Variants in TAF4B observed in about 807,000 individuals in gnomAD.
The protein encoded by TAF4B is TATA-box binding protein associated factor 4b, also known as transcription initiation factor TFIID subunit 4B.
TAF4B carries 38 observed loss-of-function variants against 86.4 expected under a neutral mutation model. The ratio of observed to expected loss-of-function variants is 0.44; its 90% CI spans 0.34 to 0.58. The LOEUF is 0.58. TAF4B is among the 20% of genes least tolerant of loss of function. The probability of loss-of-function intolerance (pLI) is 0.02; values close to 1 mark genes in which losing one functional copy is unlikely to be tolerated. For missense variants in TAF4B, 988 were observed against 1,027.6 expected, an observed-to-expected ratio of 0.96 and a Z score of 0.53; for synonymous variants, 388 against 391.2, an observed-to-expected ratio of 0.99 and a Z score of 0.10.
chr18:26,290,247 C>G (rs1424325843), intron 7 of TAF4B, among the ~76,000 whole-genome samples: 1 of 152,038 alleles, frequency 6.6e-6, no homozygotes, highest in African/African-American at 2.4e-5. Flanking sequence ...TCAAGCAATC[C>G]TCCTGCCTCA....
Position 26,267,523 on chromosome 18 carries a change from G to T in TAF4B, c.497G>T (p.Ser166Ile), listed in dbSNP as rs1298403113. ...CTCCCCTCCACCGCCAAGAACTCTA[G>T]CTCACAATTAATCAAGAAAGTGGCA... ...TVKICTVPNS[S>I]SQLIKKVAVT... Residue 166 changes from serine to isoleucine, a missense_variant, in exon 3 of 15, where the codon AGC (serine) becomes ATC (isoleucine). Ser to Ile is a moderately radical substitution (Grantham distance 142, BLOSUM62 -2). Coordinates refer to ENST00000269142, the MANE Select transcript of TAF4B (RefSeq NM_005640.3). 2 of 1,613,594 alleles carry T rather than the reference G, an allele frequency of 1.2e-6. No homozygotes were observed. The highest frequency in any genetic ancestry group is 2.7e-5 in the African/African-American group (2 of 74,922).
chr18:26,319,452 AT>A (rs2056941229), intron 10 of TAF4B, among the ~76,000 whole-genome samples: 1 of 151,974 alleles, frequency 6.6e-6, no homozygotes, highest in African/African-American at 2.4e-5. Flanking sequence ...GTGAGTGGAG[AT>A]TGCACCACTG....
chr18:26,389,711 T>C lies in TAF4B; in HGVS notation c.2422-134T>C. The stretch of plus-strand genomic sequence containing the variant: ...TTGGCTGCTGGAGGACAGGGTTAGG[T>C]CTTCATCATTACATTATCTCCAGTA... On this transcript the variant is annotated intron_variant, in intron 14 of 14. Coordinates refer to ENST00000269142, the MANE Select transcript of TAF4B (RefSeq NM_005640.3). 4 of 882,318 alleles carry C rather than the reference T, an allele frequency of 4.5e-6. No individual in the cohort carries two copies. The South Asian group carries it at 7.3e-5, about 16-fold the overall frequency. 54.7% of individuals were successfully genotyped at this position (882,318 alleles called of 1,614,324 possible). A position where few individuals can be genotyped will look rare whatever the true frequency, so the allele number is the denominator to read the frequency against.
At chr18:26,233,255 T>C (rs1382282508) in intron 1 of TAF4B, among the ~76,000 whole-genome samples, 1 of 152,122 alleles carries the variant, frequency 6.6e-6, no homozygotes, top group African/African-American at 2.4e-5. Context: ...CTGTGTTCTA[T>C]TTTCCCATTG....
At chr18:26,257,749 A>G (rs1331173105) in intron 1 of TAF4B, among the ~76,000 whole-genome samples, 2 of 151,772 alleles carry the variant, frequency 1.3e-5, no homozygotes, top group African/African-American at 2.4e-5. Context: ...TATGAACCTC[A>G]TTGGAATCTC....
intron 14 of TAF4B, among the ~76,000 whole-genome samples, chr18:26,363,125 C>CTA (rs1192226470): frequency 6.6e-6 from 1 of 151,932 alleles, no homozygotes; most frequent in Non-Finnish European, 1.5e-5. Flanking sequence ...CAAGGGATGA[C>CTA]TATAATGTCA....
chr18:26,372,294 T>A (rs1371795137), intron 14 of TAF4B, among the ~76,000 whole-genome samples: 1 of 152,228 alleles, frequency 6.6e-6, no homozygotes, highest in Non-Finnish European at 1.5e-5. Flanking sequence ...GTGATTCTTA[T>A]TACATTCCCA....
At chr18:26,304,079 G>A (rs944709076) in intron 9 of TAF4B, among the ~76,000 whole-genome samples, 1 of 151,098 alleles carries the variant, frequency 6.6e-6, no homozygotes, top group South Asian at 2.1e-4. Flanking sequence ...TATACCAACA[G>A]CCTTGTTATT....
chr18:26,272,218 A>G (rs951036304), intron 3 of TAF4B, among the ~76,000 whole-genome samples: 9 of 152,196 alleles, frequency 5.9e-5, no homozygotes, highest in African/African-American at 2.2e-4. Context: ...ATCATCAGGC[A>G]TTAGATTCTC....
At chr18:26,236,391 C>T (rs997233069) in intron 1 of TAF4B, among the ~76,000 whole-genome samples, 7 of 152,120 alleles carry the variant, frequency 4.6e-5, no homozygotes, top group African/African-American at 1.4e-4. Flanking sequence ...AGTCAATTTC[C>T]TGGCCCTCAA....
At chr18:26,354,016 T>C (rs1234943206) in intron 13 of TAF4B, among the ~76,000 whole-genome samples, 2 of 152,220 alleles carry the variant, frequency 1.3e-5, no homozygotes, top group African/African-American at 4.8e-5. Flanking sequence ...GTGTGAGGTT[T>C]GGATCCAGAT....
At chr18:26,257,621 A>G (rs1266210351) in intron 1 of TAF4B, among the ~76,000 whole-genome samples, 1 of 151,920 alleles carries the variant, frequency 6.6e-6, no homozygotes, top group Non-Finnish European at 1.5e-5. Flanking sequence ...TTTTTCCTCT[A>G]TACTTTTCCT....
chr18:26,339,113 A>G (rs187354104), intron 13 of TAF4B, among the ~76,000 whole-genome samples: 228 of 152,216 alleles, frequency 1.5e-3, no homozygotes, highest in African/African-American at 5.0e-3. Flanking sequence ...TTTATTTTCA[A>G]CTTACGGGCT....
intron 1 of TAF4B, 115 bp from the exon 2 acceptor site, chr18:26,265,055 G>T: frequency 1.0e-6 from 1 of 983,948 alleles, no homozygotes; most frequent in Non-Finnish European, 1.4e-6. Flanking sequence ...ATGAAATTCA[G>T]TATGTATTGA....
At chr18:26,333,229 A>AT (rs1296312757) in intron 12 of TAF4B, among the ~76,000 whole-genome samples, 4 of 149,214 alleles carry the variant, frequency 2.7e-5, no homozygotes, top group South Asian at 2.1e-4. Context: ...TATTATTATT[A>AT]TTTTTTTTGG....
At chr18:26,319,374 T>G (rs1223145239) in intron 10 of TAF4B, among the ~76,000 whole-genome samples, 3 of 150,112 alleles carry the variant, frequency 2.0e-5, no homozygotes, top group Non-Finnish European at 4.4e-5. Context: ...CGCTTGCCTA[T>G]AAGTAATCCC....
intron 14 of TAF4B, among the ~76,000 whole-genome samples, chr18:26,388,756 A>T (rs1041411503): frequency 6.6e-6 from 1 of 152,160 alleles, no homozygotes; most frequent in Non-Finnish European, 1.5e-5. Flanking sequence ...TTTATACGTG[A>T]TATGGTGGAT....
chr18:26,359,692 C>T (rs547002370), intron 14 of TAF4B, among the ~76,000 whole-genome samples: 32 of 152,222 alleles, frequency 2.1e-4, no homozygotes, highest in African/African-American at 6.7e-4. Flanking sequence ...CCTGCTCCAG[C>T]GACCGTCAAT....
intron 1 of TAF4B, chr18:26,255,919 CTG>C: frequency 2.4e-6 from 3 of 1,247,144 alleles, no homozygotes; most frequent in Admixed American, 3.4e-5. Context: ...GAAGCCATCT[CTG>C]TATCTGAGCC....
Sources: gnomAD v4.1 joint callset for allele counts (sites outside exome capture counted in the v4.1 genomes callset) on GRCh38, gnomAD v4.1.1 for gene constraint, MANE v1.5 for transcripts, NCBI Gene and HGNC (gene_info 2026-07-23, HGNC 2026-07-21) for gene names.